The following CMSS1 variants were observed in gnomAD, a reference collection of about 807,000 sequenced individuals.
CMSS1 encodes protein CMSS1.
Under a neutral mutation model 43.5 loss-of-function variants are expected in CMSS1, and 33 were observed. That is an observed-to-expected ratio of 0.76 (90% confidence interval 0.57 to 1.01). CMSS1 has a LOEUF of 1.01. CMSS1 is among the 50% of genes least tolerant of loss of function. The pLI is 0.00. For missense variants in CMSS1, 313 were observed against 326.4 expected, an observed-to-expected ratio of 0.96 and a Z score of 0.32; for synonymous variants, 115 against 117.2, an observed-to-expected ratio of 0.98 and a Z score of 0.12.
At chr3:100,016,329 A>T (rs753337881) in intron 1 of CMSS1, among the ~76,000 whole-genome samples, 1 of 152,156 alleles carries the variant, frequency 6.6e-6, no homozygotes, top group Non-Finnish European at 1.5e-5. Context: ...AGTAGGTGGG[A>T]TTACAGGCAT....
chr3:99,964,824 A>C (rs924215177), intron 1 of CMSS1, among the ~76,000 whole-genome samples: 1 of 152,140 alleles, frequency 6.6e-6, no homozygotes, highest in African/African-American at 2.4e-5. Flanking sequence ...CACACCTCTC[A>C]TCTACTATGC....
At chr3:99,845,443 A>G (rs1384719227) in intron 1 of CMSS1, among the ~76,000 whole-genome samples, 3 of 152,184 alleles carry the variant, frequency 2.0e-5, no homozygotes, top group East Asian at 1.9e-4. Context: ...AAAACAGTCT[A>G]TCTTCTGTGA....
At chr3:100,119,506 T>C (rs2066602372) in intron 1 of CMSS1, among the ~76,000 whole-genome samples, 1 of 152,208 alleles carries the variant, frequency 6.6e-6, no homozygotes, top group Non-Finnish European at 1.5e-5. Context: ...TAATGGGAAG[T>C]TCTTGGGGTG....
chr3:99,992,675 C>T (rs1005334392), intron 1 of CMSS1, among the ~76,000 whole-genome samples: 1 of 151,898 alleles, frequency 6.6e-6, no homozygotes. Context: ...TTAATTAAGT[C>T]CAATTTGTCT....
chr3:100,090,842 C>T (rs1325101671), intron 1 of CMSS1, among the ~76,000 whole-genome samples: 1 of 152,142 alleles, frequency 6.6e-6, no homozygotes, highest in East Asian at 1.9e-4. Flanking sequence ...CTCCTATCCT[C>T]CCTAGAGCTT....
At chr3:99,938,353 T>C (rs984758146) in intron 1 of CMSS1, among the ~76,000 whole-genome samples, 2 of 152,226 alleles carry the variant, frequency 1.3e-5, no homozygotes, top group Non-Finnish European at 2.9e-5. Flanking sequence ...AGGCAGTCAT[T>C]TAAACTTAGT....
At chr3:99,927,133 C>G (rs1409897780) in intron 1 of CMSS1, among the ~76,000 whole-genome samples, 1 of 152,224 alleles carries the variant, frequency 6.6e-6, no homozygotes, top group East Asian at 1.9e-4. Context: ...TGCTTCAAGA[C>G]TGCTTTTTTC....
intron 1 of CMSS1, among the ~76,000 whole-genome samples, chr3:100,116,272 A>C (rs1174361793): frequency 6.6e-6 from 1 of 152,182 alleles, no homozygotes; most frequent in African/African-American, 2.4e-5. Context: ...CTTAGAGTGA[A>C]GAAGAGCATT....
chr3:99,987,820 A>G (rs980371734), intron 1 of CMSS1, among the ~76,000 whole-genome samples: 2 of 152,222 alleles, frequency 1.3e-5, no homozygotes, highest in Non-Finnish European at 2.9e-5. Context: ...TGTTTTTATT[A>G]ACTTAAAAAA....
chr3:99,945,842 C>G (rs1017707066), intron 1 of CMSS1, among the ~76,000 whole-genome samples: 1 of 152,188 alleles, frequency 6.6e-6, no homozygotes, highest in African/African-American at 2.4e-5. Flanking sequence ...AGGGCTCTCA[C>G]GTTCCCACCT....
At chr3:99,831,467 T>C (rs1190312664) in intron 1 of CMSS1, among the ~76,000 whole-genome samples, 1 of 152,198 alleles carries the variant, frequency 6.6e-6, no homozygotes, top group African/African-American at 2.4e-5. Context: ...CACTAAATTG[T>C]TTTAAAAGAC....
chr3:99,966,963 T>C (rs1326732345), intron 1 of CMSS1, among the ~76,000 whole-genome samples: 1 of 152,142 alleles, frequency 6.6e-6, no homozygotes, highest in African/African-American at 2.4e-5. Flanking sequence ...CCCCACATGC[T>C]ATACAGGTGG....
At chr3:99,892,232 C>G (rs1347433369) in intron 1 of CMSS1, among the ~76,000 whole-genome samples, 1 of 152,162 alleles carries the variant, frequency 6.6e-6, no homozygotes, top group African/African-American at 2.4e-5. Context: ...AGGCAAGTCT[C>G]CAATTTTGTA....
In CMSS1 at chr3:99,913,606, GAAA is replaced by G. The variant is rs1706861749; in HGVS notation, c.64+95566_64+95568del. On this transcript the variant is annotated intron_variant, in intron 1 of 9. Transcript: ENST00000421999. ...TATGCAACCACTTAAAAAAAGAATA[GAAA>G]AAGTATTGTATGATCTTCATGAATT... Among the ~76,000 whole-genome samples, 5 of 152,080 alleles carry G rather than the reference GAAA, an allele frequency of 3.3e-5. No individual in the cohort carries two copies. In the South Asian group the frequency reaches 1.0e-3, roughly 32 times the overall value.
chr3:100,115,717 A>C (rs1374589549), intron 1 of CMSS1, among the ~76,000 whole-genome samples: 1 of 148,708 alleles, frequency 6.7e-6, no homozygotes, highest in Non-Finnish European at 1.5e-5. Flanking sequence ...CTTTAGTGTG[A>C]TTATCTTAAA....
At chr3:99,841,450 C>T (rs968320219) in intron 1 of CMSS1, among the ~76,000 whole-genome samples, 1 of 152,178 alleles carries the variant, frequency 6.6e-6, no homozygotes, top group Non-Finnish European at 1.5e-5. Flanking sequence ...GGTCCTCTCT[C>T]GGAAGTCTCA....
intron 1 of CMSS1, among the ~76,000 whole-genome samples, chr3:100,140,972 A>C (rs544439061): frequency 1.3e-5 from 2 of 152,202 alleles, no homozygotes; most frequent in Non-Finnish European, 2.9e-5. Context: ...ACCATCTACT[A>C]TATGTATCCT....
At chr3:99,931,279 G>A (rs939951718) in intron 1 of CMSS1, among the ~76,000 whole-genome samples, 2 of 152,086 alleles carry the variant, frequency 1.3e-5, no homozygotes, top group Non-Finnish European at 2.9e-5. Flanking sequence ...ATGTCCATGG[G>A]TAAACAGGCT....
chr3:99,851,300 C>A (rs947116209), intron 1 of CMSS1, among the ~76,000 whole-genome samples: 1 of 152,112 alleles, frequency 6.6e-6, no homozygotes, highest in East Asian at 1.9e-4. Context: ...TCACCAGGAG[C>A]CTTAGTAAAA....
Sources: gnomAD v4.1 joint callset for allele counts (sites outside exome capture counted in the v4.1 genomes callset) on GRCh38, gnomAD v4.1.1 for gene constraint, MANE v1.5 for transcripts, NCBI Gene and HGNC (gene_info 2026-07-23, HGNC 2026-07-21) for gene names.